The following CDH18 variants were observed in gnomAD, a reference collection of about 807,000 sequenced individuals.
CDH18 encodes cadherin-18.
A neutral mutation model predicts 67.9 loss-of-function variants in CDH18; 31 were observed. The observed-to-expected ratio is 0.46, with a 90% confidence interval of 0.34 to 0.62. The LOEUF (loss-of-function observed/expected upper bound fraction) is 0.62. Ranked by LOEUF, CDH18 falls within the 20% of genes least tolerant of loss-of-function variation. The pLI is 0.01. For missense variants in CDH18, 890 were observed against 975.5 expected (o/e 0.91, Z 1.17); for synonymous variants, 362 against 347.2 (o/e 1.04, Z -0.48).
At chr5:19,789,041 C>T (rs1165356887) in intron 3 of CDH18, among the ~76,000 whole-genome samples, 1 of 152,142 alleles carries the variant, frequency 6.6e-6, no homozygotes, top group Non-Finnish European at 1.5e-5. Flanking sequence ...ATCTTCTCCA[C>T]CTTTCTGTAT....
At chr5:19,948,600 C>T (rs985534103) in intron 2 of CDH18, among the ~76,000 whole-genome samples, 2 of 152,126 alleles carry the variant, frequency 1.3e-5, no homozygotes, top group African/African-American at 2.4e-5. Context: ...ATTGTAGTTA[C>T]GTATAGCTAC....
At chr5:20,482,110 G>A (rs79827394) in intron 1 of CDH18, among the ~76,000 whole-genome samples, 2,042 of 151,850 alleles carry the variant, frequency 0.013, 57 homozygotes, top group African/African-American at 0.047. Context: ...GAGACATTAC[G>A]ATTGAAACTG....
intron 7 of CDH18, among the ~76,000 whole-genome samples, chr5:19,573,130 AT>A (rs1267290206): frequency 6.6e-6 from 1 of 152,216 alleles, no homozygotes; most frequent in African/African-American, 2.4e-5. Context: ...AGTTGATCAT[AT>A]ATACAATACA....
chr5:20,495,157 A>G (rs1386766389), intron 1 of CDH18, among the ~76,000 whole-genome samples: 1 of 152,092 alleles, frequency 6.6e-6, no homozygotes, highest in Non-Finnish European at 1.5e-5. Flanking sequence ...TACCGTATGA[A>G]TATTTGGCCA....
intron 2 of CDH18, among the ~76,000 whole-genome samples, chr5:20,233,488 T>C (rs1742234502): frequency 6.6e-6 from 1 of 151,930 alleles, no homozygotes; most frequent in South Asian, 2.1e-4. Context: ...TAAATAATAT[T>C]CTATTTTCTT....
At chr5:19,738,791 CT>C (rs1014347125) in intron 4 of CDH18, among the ~76,000 whole-genome samples, 1 of 151,988 alleles carries the variant, frequency 6.6e-6, no homozygotes, top group African/African-American at 2.4e-5. Flanking sequence ...GGTTACTAGG[CT>C]TTATACCTGA....
intron 3 of CDH18, among the ~76,000 whole-genome samples, chr5:19,768,292 A>G (rs1353460182): frequency 6.6e-6 from 1 of 152,202 alleles, no homozygotes; most frequent in Non-Finnish European, 1.5e-5. Flanking sequence ...AAAACAAACA[A>G]TAGAATAACT....
At chr5:19,983,982 G>GGATGTCT (rs1202031624) in intron 1 of CDH18, among the ~76,000 whole-genome samples, 1 of 152,128 alleles carries the variant, frequency 6.6e-6, no homozygotes, top group Non-Finnish European at 1.5e-5. Flanking sequence ...TGAGTGACCT[G>GGATGTCT]TAAACAAATG....
chr5:20,274,604 T>C (rs1286526459), intron 1 of CDH18, among the ~76,000 whole-genome samples: 1 of 152,176 alleles, frequency 6.6e-6, no homozygotes, highest in East Asian at 1.9e-4. Context: ...GTAGCTTATA[T>C]ACATCAGTGA....
intron 2 of CDH18, among the ~76,000 whole-genome samples, chr5:20,226,542 G>A (rs1008654248): frequency 1.3e-5 from 2 of 151,928 alleles, no homozygotes; most frequent in African/African-American, 2.4e-5. Context: ...AATAATTGTC[G>A]TTTTAAGGGA....
At chr5:19,711,157 G>A (rs1764649379) in intron 5 of CDH18, among the ~76,000 whole-genome samples, 3 of 151,706 alleles carry the variant, frequency 2.0e-5, no homozygotes, top group Admixed American at 2.0e-4. Context: ...AGAAAACCTG[G>A]GACAAACTCA....
chr5:19,930,045 G>A (rs1304947037), intron 2 of CDH18, among the ~76,000 whole-genome samples: 2 of 151,936 alleles, frequency 1.3e-5, no homozygotes, highest in African/African-American at 4.8e-5. Flanking sequence ...ATTGATAAAA[G>A]GTTTAGCATA....
chr5:20,071,492 T>C (rs1743477177), intron 2 of CDH18, among the ~76,000 whole-genome samples: 1 of 152,090 alleles, frequency 6.6e-6, no homozygotes, highest in Non-Finnish European at 1.5e-5. Flanking sequence ...CACAGGCTAC[T>C]GGAGTTATTT....
chr5:20,183,431 A>G (rs1737854581), intron 2 of CDH18, among the ~76,000 whole-genome samples: 1 of 152,046 alleles, frequency 6.6e-6, no homozygotes, highest in Non-Finnish European at 1.5e-5. Context: ...TAAATTACAC[A>G]TTTATATGTA....
intron 1 of CDH18, among the ~76,000 whole-genome samples, chr5:20,396,164 T>C (rs1463691606): frequency 6.6e-6 from 1 of 152,176 alleles, no homozygotes; most frequent in Non-Finnish European, 1.5e-5. Context: ...GACTTGTGAT[T>C]GGCATCTATA....
At chr5:20,503,809 G>A (rs1436597182) in intron 1 of CDH18, among the ~76,000 whole-genome samples, 3 of 152,100 alleles carry the variant, frequency 2.0e-5, no homozygotes, top group East Asian at 1.9e-4. Flanking sequence ...AGGCTGAGGC[G>A]GGTGGATTAT....
intron 3 of CDH18, among the ~76,000 whole-genome samples, chr5:19,789,379 T>C (rs186905884): frequency 7.2e-4 from 110 of 152,304 alleles, no homozygotes; most frequent in African/African-American, 2.4e-3. Flanking sequence ...CATATGATAA[T>C]TACTCAACAA....
chr5:20,398,955 T>C lies in CDH18; in HGVS notation c.-579-143450A>G, dbSNP rs10062388. 2.2e-5 allele frequency among the ~76,000 whole-genome samples: 3 copies of C among 136,478 alleles called. 1 individual carries two copies. Among genetic ancestry groups the C allele is most frequent in the African/African-American group, 9.7e-5 (3 of 31,052 alleles). The allele number at this position is 136,478 out of a possible 152,430, so 89.5% of individuals were successfully genotyped here. ...CGTATACCTACATAGAAAACCACCA[T>C]GGCACATGTATACCCACGTAGAAAA... On this transcript the variant is annotated intron_variant, in intron 1 of 14. Transcript: ENST00000507958.
intron 2 of CDH18, among the ~76,000 whole-genome samples, chr5:20,066,348 A>G (rs187224431): frequency 6.6e-6 from 1 of 152,222 alleles, no homozygotes; most frequent in Admixed American, 6.5e-5. Flanking sequence ...GCTACACTTT[A>G]GAATTACCTA....
Sources: gnomAD v4.1 joint callset for allele counts (sites outside exome capture counted in the v4.1 genomes callset) on GRCh38, gnomAD v4.1.1 for gene constraint, MANE v1.5 for transcripts, NCBI Gene and HGNC (gene_info 2026-07-23, HGNC 2026-07-21) for gene names.